ZBTB10: variants seen among roughly 807,000 people sequenced by gnomAD.
The protein encoded by ZBTB10 is zinc finger and BTB domain-containing protein 10.
Under a neutral mutation model 76.4 loss-of-function variants are expected in ZBTB10, and 32 were observed. The observed-to-expected ratio is 0.42, with a 90% CI of 0.32 to 0.56. ZBTB10 has a LOEUF of 0.56. Among genes scored for constraint, ZBTB10 ranks in the 20% least tolerant of loss-of-function variants. ZBTB10 has a pLI of 0.14. For missense variants in ZBTB10, 1,057 were observed against 1,098.5 expected (o/e 0.96, Z 0.53); for synonymous variants, 523 against 432.9 (o/e 1.21, Z -2.58).
Position 80,487,152 on chromosome 8 carries a change from G to T in ZBTB10, c.342G>T (p.Leu114=). The T allele has an allele frequency of 6.6e-7, 1 of 1,517,832 alleles. No homozygotes were observed. 94.0% of individuals were successfully genotyped at this position (1,517,832 alleles called of 1,614,324 possible). The part of the protein sequence containing the change: ...TSLGGGAGGP[L]LAERNRRTLA... The stretch of plus-strand genomic sequence containing the variant: ...TTGGCGGTGGCGCGGGGGGCCCCCT[G>T]CTAGCGGAAAGGAACCGTCGGACTC... The change falls in exon 1 of 6, where the codon CTG becomes CTT. Residue 114 remains leucine, a synonymous_variant. Coordinates refer to ENST00000455036, the MANE Select transcript of ZBTB10 (RefSeq NM_001105539.3).
rs1815878541 is a variant in ZBTB10, at chr8:80,499,936, C to T, written c.1415C>T (p.Pro472Leu). ...ALNISIKSEAPESVVVDYNNR... is the reference protein window; with the variant it reads ...ALNISIKSEALESVVVDYNNR... Reference sequence around the variant, plus strand: ...AATATAAGCATTAAATCAGAAGCTCCAGAGTCTGTAGTTGTGGACTATAAT... The same window carrying T: ...AATATAAGCATTAAATCAGAAGCTCTAGAGTCTGTAGTTGTGGACTATAAT... The change falls in exon 2 of 6, where the codon CCA becomes CTA. Residue 472 changes from proline to leucine, a missense_variant. Around this residue, in one of 5 missense-constraint regions of ZBTB10, gnomAD observed 306 missense variants for 297.5 expected, o/e 1.03. Coordinates refer to ENST00000455036, the MANE Select transcript of ZBTB10 (RefSeq NM_001105539.3). The T allele has an allele frequency of 7.4e-6, 12 of 1,613,882 alleles. No homozygotes were observed. Among genetic ancestry groups the T allele is most frequent in the South Asian group, 1.1e-5 (1 of 91,062 alleles).
Position 80,520,265 on chromosome 8 carries a change from A to G in ZBTB10, c.*737A>G, listed in dbSNP as rs779882940. ...TGATGTTATGAAGTTACCGTGGCGA[A>G]GTTGACAAATACCACTAAAATGATT... On this transcript the variant is annotated 3_prime_UTR_variant, in exon 6 of 6. Coordinates refer to ENST00000455036, the MANE Select transcript of ZBTB10 (RefSeq NM_001105539.3). 6 of 152,492 alleles carry G rather than the reference A, an allele frequency of 3.9e-5. No homozygotes were observed. Among genetic ancestry groups the G allele is most frequent in the Non-Finnish European group, 7.4e-5 (5 of 67,964 alleles). 9.4% of individuals were successfully genotyped at this position (152,492 alleles called of 1,614,324 possible).
rs1459137272 is a variant in ZBTB10, at chr8:80,487,248, G to T, written c.438G>T (p.Ser146=). 2 of 1,550,488 alleles carry T rather than the reference G, an allele frequency of 1.3e-6. No homozygotes were observed. Among genetic ancestry groups the T allele is most frequent in the Admixed American group, 1.9e-5 (1 of 51,568 alleles). ...GTAGCCGCGGCCGCCCCGAGACCTC[G>T]GTGTGGCCCTTGAGGCATTTCAATG... ...NGSSRGRPET[S]VWPLRHFNGR... The change falls in exon 1 of 6, where the codon TCG becomes TCT. Residue 146 remains serine (S), a synonymous_variant. Transcript: ENST00000455036.
At chr8:80,494,182 T>C (rs1815722417) in intron 1 of ZBTB10, among the ~76,000 whole-genome samples, 1 of 152,272 alleles carries the variant, frequency 6.6e-6, no homozygotes, top group African/African-American at 2.4e-5. Flanking sequence ...ATGCTTTTAG[T>C]TTACACTTAA....
At chr8:80,514,310 C>T (rs1816274375) in intron 3 of ZBTB10, among the ~76,000 whole-genome samples, 4 of 152,028 alleles carry the variant, frequency 2.6e-5, no homozygotes, top group South Asian at 4.1e-4. Context: ...ATGGTAATTA[C>T]GATAATGGTT....
intron 3 of ZBTB10, among the ~76,000 whole-genome samples, chr8:80,514,430 A>G (rs935196513): frequency 3.3e-5 from 5 of 152,238 alleles, no homozygotes; most frequent in Non-Finnish European, 5.9e-5. Context: ...AGCTTGATGA[A>G]TATAAAAACA....
At chr8:80,493,583 GA>G (rs1815701455) in intron 1 of ZBTB10, among the ~76,000 whole-genome samples, 1 of 151,870 alleles carries the variant, frequency 6.6e-6, no homozygotes, top group African/African-American at 2.4e-5. Flanking sequence ...TCGGGAGGCC[GA>G]GGGGGATGGA....
In ZBTB10 at chr8:80,518,402, G is replaced by C; in HGVS notation, c.1961-1G>C. On this transcript the variant is annotated splice_acceptor_variant, in intron 3 of 5. Coordinates refer to ENST00000455036, the MANE Select transcript of ZBTB10 (RefSeq NM_001105539.3). LOFTEE classifies it high-confidence loss of function. ...TAATTCAGAATTTTTACTTGTACTA[G>C]GTACTTCACATGATTTCAAGTATGG... is the stretch of plus-strand genomic sequence containing the variant. The C allele has an allele frequency of 1.9e-6, 3 of 1,548,930 alleles. No homozygotes were observed. The highest frequency in any genetic ancestry group is 2.6e-6 in the Non-Finnish European group (3 of 1,146,534).
chr8:80,505,797 A>G (rs1235608454), intron 2 of ZBTB10, among the ~76,000 whole-genome samples: 2 of 152,026 alleles, frequency 1.3e-5, no homozygotes, highest in Middle Eastern at 3.4e-3. Flanking sequence ...TGTCATGATC[A>G]TGGCTTACAG....
intron 1 of ZBTB10, among the ~76,000 whole-genome samples, chr8:80,490,383 G>A (rs935692845): frequency 6.6e-6 from 1 of 151,994 alleles, no homozygotes; most frequent in Non-Finnish European, 1.5e-5. Flanking sequence ...CTACAGGTGC[G>A]CGCCACCATT....
chr8:80,486,870 C>T lies in ZBTB10; in HGVS notation c.60C>T (p.Thr20=). 4 of 1,513,436 alleles carry T rather than the reference C, an allele frequency of 2.6e-6. No homozygotes were observed. Among genetic ancestry groups the T allele is most frequent in the South Asian group, 1.2e-5 (1 of 80,956 alleles). The allele number at this position is 1,513,436 out of a possible 1,614,324, so 93.8% of individuals were successfully genotyped here. A position where few individuals can be genotyped will look rare whatever the true frequency, so the allele number is the denominator to read the frequency against. The change falls in exon 1 of 6, where the codon ACC becomes ACT. Residue 20 remains threonine (T), a synonymous_variant. Coordinates refer to ENST00000455036, the MANE Select transcript of ZBTB10 (RefSeq NM_001105539.3). ...TLAFRGGGLV[T]ASGGGSTNNN... ...CGTTCCGAGGAGGCGGGTTGGTCAC[C>T]GCTAGCGGCGGCGGCTCCACGAACA...
At chr8:80,504,503 A>G (rs1415674293) in intron 2 of ZBTB10, among the ~76,000 whole-genome samples, 1 of 152,088 alleles carries the variant, frequency 6.6e-6, no homozygotes. Context: ...TTCAGATGGT[A>G]TTTTTTTATC....
intron 1 of ZBTB10, among the ~76,000 whole-genome samples, chr8:80,489,581 A>T (rs1486510969): frequency 6.6e-6 from 1 of 152,220 alleles, no homozygotes; most frequent in Non-Finnish European, 1.5e-5. Context: ...ACCTGAAATC[A>T]GAAGAAGGGG....
rs1224522485 is a variant in ZBTB10 at position 80,520,003 on chromosome 8, A to G, written c.*475A>G. On this transcript the variant is annotated 3_prime_UTR_variant, in exon 6 of 6. Transcript: ENST00000455036. The stretch of plus-strand genomic sequence containing the variant: ...TTATTAATTTTATTTTTTTTAATAC[A>G]GATTTTCAGTGAGGGGCTTTTTCAA... 1 of 152,278 alleles carries G rather than the reference A, an allele frequency of 6.6e-6. No individual in the cohort carries two copies. The highest frequency in any genetic ancestry group is 6.6e-5 in the Admixed American group (1 of 15,244). The allele number at this position is 152,278 out of a possible 1,614,324, so 9.4% of individuals were successfully genotyped here.
chr8:80,491,988 A>G (rs924055544), intron 1 of ZBTB10, among the ~76,000 whole-genome samples: 1 of 152,206 alleles, frequency 6.6e-6, no homozygotes, highest in Non-Finnish European at 1.5e-5. Context: ...GAGCAAACAA[A>G]AGAATGTAAG....
At chr8:80,506,687 T>G (rs1816065404) in intron 2 of ZBTB10, among the ~76,000 whole-genome samples, 1 of 152,154 alleles carries the variant, frequency 6.6e-6, no homozygotes, top group Non-Finnish European at 1.5e-5. Flanking sequence ...ATTCATGTTT[T>G]CATTATAGGG....
intron 1 of ZBTB10, among the ~76,000 whole-genome samples, 193 bp from the exon 2 acceptor site, chr8:80,499,301 G>T (rs1815863397): frequency 6.6e-6 from 1 of 152,118 alleles, no homozygotes; most frequent in Non-Finnish European, 1.5e-5. Context: ...TCTTCAGTCA[G>T]ATGTGTTTGA....
intron 2 of ZBTB10, among the ~76,000 whole-genome samples, chr8:80,512,673 C>G (rs1158206243): frequency 6.6e-6 from 1 of 152,154 alleles, no homozygotes; most frequent in Non-Finnish European, 1.5e-5. Context: ...GATCGTGCCA[C>G]TGCACTCCAG....
intron 3 of ZBTB10, among the ~76,000 whole-genome samples, chr8:80,517,369 G>A (rs2131517275): frequency 6.6e-6 from 1 of 152,260 alleles, no homozygotes; most frequent in East Asian, 1.9e-4. Context: ...TTGCCAAAAG[G>A]TTCCTGGTCC....
Sources: gnomAD v4.1 joint callset for allele counts (sites outside exome capture counted in the v4.1 genomes callset) on GRCh38, gnomAD v4.1.1 for gene constraint, gnomAD v4.1.1 regional missense constraint, MANE v1.5 for transcripts, NCBI Gene and HGNC (gene_info 2026-07-23, HGNC 2026-07-21) for gene names.